Variants in IMPG1 observed in about 807,000 individuals in gnomAD.
IMPG1 encodes interphotoreceptor matrix proteoglycan 1.
Under a neutral mutation model 92.0 loss-of-function variants are expected in IMPG1, and 85 were observed. The ratio of observed to expected loss-of-function variants is 0.92; its 90% CI spans 0.78 to 1.11. The LOEUF (loss-of-function observed/expected upper bound fraction) is 1.11. Among genes scored for constraint, IMPG1 ranks in the 50% least tolerant of loss-of-function variants. The probability of loss-of-function intolerance (pLI) is 0.00; values close to 1 mark genes in which losing one functional copy is unlikely to be tolerated. For synonymous variants in IMPG1, 367 were observed against 334.1 expected, an observed-to-expected ratio of 1.10 and a Z score of -1.08; for missense variants, 1,022 against 956.0, an observed-to-expected ratio of 1.07 and a Z score of -0.91.
rs139178727 is a variant in IMPG1, at chr6:76,021,470, A to T, written c.666+646T>A. On this transcript the variant is annotated intron_variant, in intron 6 of 16. Transcript: ENST00000369950. ...CTCTTCAAATATTTTACAGAGTTCG[A>T]CAATTTGTCGACAATGAGGACAGTG... is the stretch of plus-strand genomic sequence containing the variant. Among the ~76,000 whole-genome samples the T allele has an allele frequency of 7.1e-3, 1,088 of 152,170 alleles. 9 individuals are homozygous for T. Among genetic ancestry groups the T allele is most frequent in the African/African-American group, 0.024 (1,015 of 41,532 alleles).
Position 75,924,969 on chromosome 6 carries a change from A to C in IMPG1, c.2244-1263T>G, listed in dbSNP as rs1008961206. Among the ~76,000 whole-genome samples the C allele has an allele frequency of 5.2e-4, 78 of 150,540 alleles. 2 individuals are homozygous for C. Among genetic ancestry groups the C allele is most frequent in the Admixed American group, 4.9e-3 (73 of 14,866 alleles). On this transcript the variant is annotated intron_variant, in intron 15 of 16. Coordinates refer to ENST00000369950, the MANE Select transcript of IMPG1 (RefSeq NM_001563.4). ...GAACAGTAGTTACCAGAGACTGGGG[A>C]GGGGAGGGAGGAGGGTATCATGGAG... is the stretch of plus-strand genomic sequence containing the variant.
At chr6:75,973,242 A>T (rs1782451482) in intron 12 of IMPG1, among the ~76,000 whole-genome samples, 1 of 131,704 alleles carries the variant, frequency 7.6e-6, no homozygotes, top group African/African-American at 2.7e-5. Context: ...GGCCTCCCAA[A>T]GTGTCCGGAT....
chr6:75,984,402 A>G (rs1453951727), intron 12 of IMPG1, among the ~76,000 whole-genome samples: 1 of 152,228 alleles, frequency 6.6e-6, no homozygotes, highest in Non-Finnish European at 1.5e-5. Flanking sequence ...AGAAAATGCT[A>G]CCATTTGTAA....
intron 12 of IMPG1, among the ~76,000 whole-genome samples, chr6:75,977,443 C>T (rs150417864): frequency 6.6e-6 from 1 of 151,974 alleles, no homozygotes; most frequent in African/African-American, 2.4e-5. Context: ...CAAAATTAGC[C>T]GGGCCTGGTG....
At chr6:76,053,993 G>A (rs907860322) in intron 1 of IMPG1, among the ~76,000 whole-genome samples, 1 of 152,090 alleles carries the variant, frequency 6.6e-6, no homozygotes, top group Non-Finnish European at 1.5e-5. Flanking sequence ...GGATGGATAA[G>A]GACCTATCAG....
intron 4 of IMPG1, among the ~76,000 whole-genome samples, chr6:76,033,117 AAGGGGTGAGAGGAGACCAGG>A (rs1051451681): frequency 6.6e-6 from 1 of 152,186 alleles, no homozygotes; most frequent in Admixed American, 6.5e-5. Flanking sequence ...TTGGGGCCAG[AAGGGGTGAGAGGAGACCAGG>A]AGCCAGACAC....
chr6:75,982,615 G>A (rs969792855), intron 12 of IMPG1, among the ~76,000 whole-genome samples: 13 of 149,648 alleles, frequency 8.7e-5, no homozygotes, highest in African/African-American at 3.0e-4. Context: ...ATATATATAT[G>A]TGTGTGTATA....
chr6:76,059,765 C>T (rs1784174540), intron 1 of IMPG1, among the ~76,000 whole-genome samples: 1 of 152,128 alleles, frequency 6.6e-6, no homozygotes, highest in Non-Finnish European at 1.5e-5. Context: ...TAAATGAACG[C>T]AAATTAGTTT....
At chr6:75,971,477 A>T (rs67903272) in intron 12 of IMPG1, among the ~76,000 whole-genome samples, 26,385 of 152,140 alleles carry the variant, frequency 0.17, 2,725 homozygotes, top group Admixed American at 0.28. Context: ...ATAATAATAA[A>T]AAAAAATCAT....
At chr6:76,055,294 A>C (rs1176108369) in intron 1 of IMPG1, among the ~76,000 whole-genome samples, 3 of 152,134 alleles carry the variant, frequency 2.0e-5, no homozygotes, top group Non-Finnish European at 2.9e-5. Context: ...TTTGAAAAAA[A>C]TTATTCAAAA....
chr6:76,059,319 A>G (rs1382472457), intron 1 of IMPG1, among the ~76,000 whole-genome samples: 1 of 152,132 alleles, frequency 6.6e-6, no homozygotes, highest in African/African-American at 2.4e-5. Context: ...GCTACTTACT[A>G]CTAAACTTAG....
chr6:75,951,046 G>C lies in IMPG1; in HGVS notation c.1340C>G (p.Ala447Gly). 1 of 1,613,674 alleles carries C rather than the reference G, an allele frequency of 6.2e-7. No individual in the cohort carries two copies. The highest frequency in any genetic ancestry group is 8.5e-7 in the Non-Finnish European group (1 of 1,179,740). ...GCTTGATGCCATAAAGAAAGGTGGAGCTTCTGACAGGGAGGTAGAGGCCAT... is the reference window on the plus strand; with the variant it reads ...GCTTGATGCCATAAAGAAAGGTGGACCTTCTGACAGGGAGGTAGAGGCCAT... ...PAMASTSLSE[A>G]PPFFMASSIF... Residue 447 changes from alanine (A) to glycine (G), a missense_variant, in exon 13 of 17, where the codon GCT becomes GGT. Physicochemically the swap from Ala to Gly is moderately conservative, Grantham distance 60. Transcript: ENST00000369950.
chr6:76,067,943 A>C (rs1784340520), intron 1 of IMPG1, among the ~76,000 whole-genome samples: 1 of 152,178 alleles, frequency 6.6e-6, no homozygotes, highest in African/African-American at 2.4e-5. Flanking sequence ...AAACTATAAG[A>C]TCATCTCTTT....
intron 12 of IMPG1, among the ~76,000 whole-genome samples, chr6:75,990,404 T>G (rs1260524496): frequency 2.0e-5 from 3 of 152,188 alleles, no homozygotes; most frequent in Non-Finnish European, 4.4e-5. Flanking sequence ...GTTTACTCAA[T>G]AGTCAAAATG....
At chr6:76,052,368 A>C (rs905352812) in intron 1 of IMPG1, among the ~76,000 whole-genome samples, 4 of 152,222 alleles carry the variant, frequency 2.6e-5, no homozygotes, top group African/African-American at 9.7e-5. Flanking sequence ...TGTCCTGGGA[A>C]AGGAGAGAAA....
chr6:75,980,879 AC>A (rs1782616097), intron 12 of IMPG1, among the ~76,000 whole-genome samples: 1 of 152,140 alleles, frequency 6.6e-6, no homozygotes, highest in Admixed American at 6.5e-5. Flanking sequence ...CCTCTAGAGA[AC>A]CCTGTGTGTT....
intron 8 of IMPG1, among the ~76,000 whole-genome samples, chr6:76,010,067 TC>T (rs1373386161): frequency 6.6e-6 from 1 of 152,268 alleles, no homozygotes; most frequent in Non-Finnish European, 1.5e-5. Flanking sequence ...AAGGGTTTCA[TC>T]TTTTATAACT....
chr6:75,943,163 G>T (rs927364774), intron 14 of IMPG1, among the ~76,000 whole-genome samples: 1 of 152,152 alleles, frequency 6.6e-6, no homozygotes, highest in Admixed American at 6.5e-5. Context: ...ACTACCACGT[G>T]CTTTGGGGTC....
intron 15 of IMPG1, among the ~76,000 whole-genome samples, chr6:75,926,798 AAAT>A (rs2149448713): frequency 6.7e-6 from 1 of 148,448 alleles, no homozygotes; most frequent in South Asian, 2.2e-4. Flanking sequence ...AACTTGAGGG[AAAT>A]GTAAAAATAT....
Sources: gnomAD v4.1 joint callset for allele counts (sites outside exome capture counted in the v4.1 genomes callset) on GRCh38, gnomAD v4.1.1 for gene constraint, MANE v1.5 for transcripts, NCBI Gene and HGNC (gene_info 2026-07-23, HGNC 2026-07-21) for gene names.